PSD4: variants seen among roughly 807,000 people sequenced by gnomAD.
PSD4 encodes pleckstrin and Sec7 domain containing 4.
Under a neutral mutation model 112.5 loss-of-function variants are expected in PSD4, and 59 were observed. The ratio of observed to expected loss-of-function variants is 0.52; its 90% CI spans 0.43 to 0.65. The LOEUF (loss-of-function observed/expected upper bound fraction) is 0.65, where lower values mean the gene tolerates loss of function less well. PSD4 is among the 30% of genes least tolerant of loss of function. The pLI is 0.00. For synonymous variants in PSD4, 533 were observed against 540.0 expected, an observed-to-expected ratio of 0.99 and a Z score of 0.18; for missense variants, 1,267 against 1,352.6, an observed-to-expected ratio of 0.94 and a Z score of 0.99.
At chr2:113,185,609 A>G (rs1477695205) in intron 4 of PSD4, 169 bp downstream of exon 4, 26 of 1,550,520 alleles carry the variant, frequency 1.7e-5, no homozygotes, top group Non-Finnish European at 2.2e-5. Flanking sequence ...AATTAAATGA[A>G]GGAAACGTAC....
chr2:113,187,002 G>A (rs964195044), intron 5 of PSD4, among the ~76,000 whole-genome samples: 3 of 152,232 alleles, frequency 2.0e-5, no homozygotes, highest in African/African-American at 7.2e-5. Context: ...TAATGGTGCA[G>A]TCCATGCAGG....
chr2:113,195,945 G>A (rs1013086802), intron 11 of PSD4, among the ~76,000 whole-genome samples, 175 bp downstream of exon 11: 3 of 152,112 alleles, frequency 2.0e-5, no homozygotes, highest in Non-Finnish European at 2.9e-5. Context: ...AAGTAATACC[G>A]GAGGGCCAGA....
chr2:113,181,457 T>G (rs1688136395), intron 1 of PSD4, among the ~76,000 whole-genome samples: 2 of 152,120 alleles, frequency 1.3e-5, no homozygotes, highest in Non-Finnish European at 2.9e-5. Flanking sequence ...AAATGCATGC[T>G]TCTAGAAAAC....
In PSD4 at chr2:113,199,233, G is replaced by T; in HGVS notation, c.2913+7G>T. ...GGAGTACCTGGAGTACGAGGTGAGCGGCCGAGCCCACCTCCCCGCCGCTGC... is the reference window on the plus strand; with the variant it reads ...GGAGTACCTGGAGTACGAGGTGAGCTGCCGAGCCCACCTCCCCGCCGCTGC... On this transcript the variant is annotated splice_region_variant and intron_variant, in intron 16 of 16. Transcript: ENST00000245796. 1 of 1,474,518 alleles carries T rather than the reference G, an allele frequency of 6.8e-7. No homozygotes were observed. The allele number at this position is 1,474,518 out of a possible 1,614,324, so 91.3% of individuals were successfully genotyped here.
Position 113,201,614 on chromosome 2 carries a change from AC to A in PSD4, c.*204del, listed in dbSNP as rs1456643824. 3 of 735,882 alleles carry A rather than the reference AC, an allele frequency of 4.1e-6. No homozygotes were observed. The allele number at this position is 735,882 out of a possible 1,614,324, so 45.6% of individuals were successfully genotyped here. A position where few individuals can be genotyped will look rare whatever the true frequency, so the allele number is the denominator to read the frequency against. ...TCCTAATATTGCTGTGCTCCCCACC[AC>A]CCCCATGGCAGTCCCTCCGCAGCCC... On this transcript the variant is annotated 3_prime_UTR_variant, in exon 17 of 17. Coordinates refer to ENST00000245796, the MANE Select transcript of PSD4 (RefSeq NM_012455.3).
At chr2:113,197,957 C>T in intron 14 of PSD4, 44 bp downstream of exon 14, 5 of 1,495,918 alleles carry the variant, frequency 3.3e-6, no homozygotes, top group Non-Finnish European at 3.6e-6. Flanking sequence ...CTTGCCCTGC[C>T]CTAGTTCTCT....
rs372465307 is a variant in PSD4 at position 113,192,494 on chromosome 2, C to T, written c.1743C>T (p.Gly581=). The change falls in exon 6 of 17, where the codon GGC becomes GGT. Residue 581 remains glycine, a synonymous_variant. Coordinates refer to ENST00000245796, the MANE Select transcript of PSD4 (RefSeq NM_012455.3). The part of the protein sequence containing the change: ...RPPAGDKLAN[G]VRNNKVAWNL... ...CAGCTGGAGACAAGCTAGCTAATGG[C>T]GTCAGGAACAACAAGGTAGCCTGGA... is the stretch of plus-strand genomic sequence containing the variant. 18 of 1,614,134 alleles carry T rather than the reference C, an allele frequency of 1.1e-5. No individual in the cohort carries two copies. The highest frequency in any genetic ancestry group is 8.0e-5 in the African/African-American group (6 of 74,950).
intron 6 of PSD4, 67 bp from the exon 7 acceptor site, chr2:113,192,981 C>T: frequency 1.3e-6 from 2 of 1,507,252 alleles, no homozygotes; most frequent in South Asian, 1.2e-5. Context: ...GCCCTGGGGG[C>T]CCCAGTGCAT....
intron 14 of PSD4, 134 bp from the exon 15 acceptor site, chr2:113,198,606 T>G (rs935744140): frequency 9.9e-6 from 11 of 1,115,392 alleles, no homozygotes; most frequent in African/African-American, 1.6e-5. Context: ...GCCCGGCTAG[T>G]GGCAGGGCTG....
intron 15 of PSD4, 74 bp downstream of exon 15, chr2:113,198,958 G>A: frequency 6.5e-7 from 1 of 1,532,234 alleles, no homozygotes; most frequent in Non-Finnish European, 8.7e-7. Context: ...CTAACTCGGG[G>A]AGGCTGGAGG....
At chr2:113,175,651 G>C (rs1687953926) in intron 1 of PSD4, among the ~76,000 whole-genome samples, 1 of 152,166 alleles carries the variant, frequency 6.6e-6, no homozygotes, top group African/African-American at 2.4e-5. Context: ...CATTTCCAGG[G>C]TAAAAGGAGG....
chr2:113,179,106 C>T (rs1049054530), intron 1 of PSD4, among the ~76,000 whole-genome samples: 5 of 152,260 alleles, frequency 3.3e-5, no homozygotes, highest in East Asian at 1.9e-4. Flanking sequence ...TGCTCACACT[C>T]GGTTGCTCTC....
At chr2:113,178,726 G>A (rs888914649) in intron 1 of PSD4, among the ~76,000 whole-genome samples, 4 of 152,076 alleles carry the variant, frequency 2.6e-5, no homozygotes, top group South Asian at 2.1e-4. Context: ...AGAGAAGGTG[G>A]GTTGGCGTTA....
At chr2:113,175,374 T>TGTGC in intron 1 of PSD4, 1 of 152,402 alleles carries the variant, frequency 6.6e-6, no homozygotes, top group Non-Finnish European at 1.5e-5. Context: ...TGTGTGTGTG[T>TGTGC]GTGCGTGCAA....
At position 113,201,534 on chromosome 2, in the gene PSD4, C is replaced by A; in HGVS notation, c.*119C>A. ...ACGGATGAGGCACCTCCTTTCCCTG[C>A]TGAAGGACAAACCTTGTTTCCCTGT... On this transcript the variant is annotated 3_prime_UTR_variant, in exon 17 of 17. Coordinates refer to ENST00000245796, the MANE Select transcript of PSD4 (RefSeq NM_012455.3). The A allele has an allele frequency of 7.3e-7, 1 of 1,363,936 alleles. No homozygotes were observed. Among genetic ancestry groups the A allele is most frequent in the Non-Finnish European group, 1.0e-6 (1 of 1,002,908 alleles). The allele number at this position is 1,363,936 out of a possible 1,614,324, so 84.5% of individuals were successfully genotyped here. A position where few individuals can be genotyped will look rare whatever the true frequency, so the allele number is the denominator to read the frequency against.
rs558300961 is a variant in PSD4 at position 113,176,374 on chromosome 2, A to T, written c.-112+2320A>T. ...GCTTTCTGTGTGTTTCACCTCCCAC[A>T]AGAGGGACATAAGGCTTAGCCCTTG... On this transcript the variant is annotated intron_variant, in intron 1 of 16. Transcript: ENST00000245796. Among the ~76,000 whole-genome samples, 10 of 152,302 alleles carry T rather than the reference A, an allele frequency of 6.6e-5. No individual in the cohort carries two copies. The South Asian group carries it at 1.4e-3, about 22-fold the overall frequency.
In PSD4 at chr2:113,182,818, C is replaced by T; in HGVS notation, c.362C>T (p.Ala121Val). The change falls in exon 2 of 17, where the codon GCC becomes GTC. Residue 121 changes from alanine to valine, a missense_variant. Physicochemically the swap from Ala to Val is moderately conservative, Grantham distance 64. Transcript: ENST00000245796. ...VELTHLGSPS[A>V]QREHRQNTAS... ...CTCACACACCTGGGGAGCCCCTCTG[C>T]CCAGAGGGAGCACAGGCAGAACACA... 1.2e-6 allele frequency: 2 copies of T among 1,611,104 alleles called. No individual in the cohort carries two copies. Among genetic ancestry groups the T allele is most frequent in the East Asian group, 4.5e-5 (2 of 44,836 alleles).
At chr2:113,191,422 T>C (rs1261068058) in intron 5 of PSD4, among the ~76,000 whole-genome samples, 3 of 152,174 alleles carry the variant, frequency 2.0e-5, no homozygotes, top group Non-Finnish European at 2.9e-5. Flanking sequence ...ACTACAGGCA[T>C]GTGCCACCCT....
At position 113,203,962 on chromosome 2, in the gene PSD4, T is replaced by C. The variant is rs1436433323; in HGVS notation, c.*2547T>C. On this transcript the variant is annotated 3_prime_UTR_variant, in exon 17 of 17. Transcript: ENST00000245796. ...TGCTCATGTAGAACCGGCACCTCTC[T>C]TTCACCTGAGCACGTGGAATCTTCA... 3 of 152,234 alleles carry C rather than the reference T, an allele frequency of 2.0e-5. No homozygotes were observed. The highest frequency in any genetic ancestry group is 7.2e-5 in the African/African-American group (3 of 41,460). The allele number at this position is 152,234 out of a possible 1,614,324, so 9.4% of individuals were successfully genotyped here.
Sources: allele counts gnomAD v4.1 joint callset (sites outside exome capture counted in the v4.1 genomes callset), GRCh38; gene constraint gnomAD v4.1.1; transcripts MANE v1.5; gene names NCBI Gene and HGNC (gene_info 2026-07-23, HGNC 2026-07-21).